Variants in NOX4 observed in about 807,000 individuals in gnomAD.
The protein encoded by NOX4 is kidney oxidase-1.
A neutral mutation model predicts 87.6 loss-of-function variants in NOX4; 69 were observed. The ratio of observed to expected loss-of-function variants is 0.79; its 90% CI spans 0.65 to 0.96. The LOEUF is 0.96. Among genes scored for constraint, NOX4 ranks in the 40% least tolerant of loss-of-function variants. The pLI, the probability that NOX4 is intolerant of heterozygous loss-of-function variation, is 0.00. For synonymous variants in NOX4, 275 were observed against 238.2 expected, an observed-to-expected ratio of 1.15 and a Z score of -1.42; for missense variants, 680 against 681.5, an observed-to-expected ratio of 1.00 and a Z score of 0.02.
At chr11:89,423,913 A>C (rs1943225585) in intron 7 of NOX4, among the ~76,000 whole-genome samples, 1 of 152,016 alleles carries the variant, frequency 6.6e-6, no homozygotes, top group African/African-American at 2.4e-5. Flanking sequence ...ACAATTAAAA[A>C]AAATAAAATT....
chr11:89,432,869 A>C lies in NOX4; in HGVS notation c.476-13T>G. ...GTCAGGCCAGGAACTATAAAAATGT[A>C]TACAAGTAGGTTTTTACTTAAATCA... is the stretch of plus-strand genomic sequence containing the variant. On this transcript the variant is annotated splice_polypyrimidine_tract_variant and intron_variant, in intron 6 of 17. Coordinates refer to ENST00000263317, the MANE Select transcript of NOX4 (RefSeq NM_016931.5). 1 of 1,586,484 alleles carries C rather than the reference A, an allele frequency of 6.3e-7. No homozygotes were observed.
At chr11:89,375,992 C>A (rs930122305) in intron 11 of NOX4, among the ~76,000 whole-genome samples, 2 of 152,190 alleles carry the variant, frequency 1.3e-5, no homozygotes, top group African/African-American at 4.8e-5. Context: ...ATATTCATAT[C>A]TCTATTCAAT....
chr11:89,335,720 G>A (rs189197776), intron 17 of NOX4, 125 bp downstream of exon 17: 2 of 516,020 alleles, frequency 3.9e-6, no homozygotes, highest in Admixed American at 4.0e-5. Context: ...TAGTGAAAGA[G>A]TGTTTCAGTG....
At chr11:89,571,041 T>C in the NOX4 span, among the ~76,000 whole-genome samples, 1 of 152,218 alleles carries the variant, frequency 6.6e-6, no homozygotes, top group Non-Finnish European at 1.5e-5. Context: ...ATGAAATTAA[T>C]CCATATTTTT....
chr11:89,498,203 G>C (rs1049624414), upstream of NOX4: 1 of 152,160 alleles, frequency 6.6e-6, no homozygotes, highest in Non-Finnish European at 1.5e-5. Context: ...AGGAAAAGAA[G>C]TTTATGTTGT....
intron 11 of NOX4, among the ~76,000 whole-genome samples, chr11:89,388,857 A>G (rs1340424845): frequency 1.3e-5 from 2 of 152,196 alleles, no homozygotes; most frequent in Admixed American, 6.6e-5. Flanking sequence ...AAATCCACTT[A>G]TGGAGAGTTT....
chr11:89,581,084 C>T, the NOX4 span, among the ~76,000 whole-genome samples: 51,036 of 151,890 alleles, frequency 0.34, 8,887 homozygotes, highest in Middle Eastern at 0.4. Context: ...GACAGGTAAG[C>T]CAGTAATTTG....
intron 11 of NOX4, among the ~76,000 whole-genome samples, chr11:89,388,428 T>C (rs568548036): frequency 1.6e-3 from 244 of 152,164 alleles, no homozygotes; most frequent in African/African-American, 5.5e-3. Flanking sequence ...CAGTTGGGGG[T>C]TACAAAGATT....
intron 7 of NOX4, among the ~76,000 whole-genome samples, chr11:89,426,667 G>C (rs918446658): frequency 6.6e-6 from 1 of 152,114 alleles, no homozygotes; most frequent in Non-Finnish European, 1.5e-5. Flanking sequence ...CAGCAGCAAG[G>C]CTTGGGGAGG....
intron 7 of NOX4, among the ~76,000 whole-genome samples, chr11:89,425,268 T>C (rs1469312995): frequency 6.6e-6 from 1 of 152,012 alleles, no homozygotes; most frequent in Non-Finnish European, 1.5e-5. Context: ...GTACACCAAT[T>C]TTTCATTCTT....
chr11:89,470,509 C>T (rs1292377849), intron 2 of NOX4, among the ~76,000 whole-genome samples: 1 of 152,056 alleles, frequency 6.6e-6, no homozygotes, highest in Non-Finnish European at 1.5e-5. Context: ...AAAGTGATTA[C>T]CCAGGAAATC....
At chr11:89,561,050 C>CATATATATATATATAT in the NOX4 span, among the ~76,000 whole-genome samples, 457 of 28,482 alleles carry the variant, frequency 0.016, 19 homozygotes, top group Non-Finnish European at 0.021. Flanking sequence ...ATATATCATA[C>CATATATATATATATAT]ATATATATAT....
chr11:89,438,979 T>TA (rs1444268070), intron 6 of NOX4, among the ~76,000 whole-genome samples: 10 of 99,318 alleles, frequency 1.0e-4, no homozygotes, highest in South Asian at 3.0e-4. Context: ...TATATAATTA[T>TA]ATATTATATT....
the NOX4 span, among the ~76,000 whole-genome samples, chr11:89,571,872 C>CA: frequency 2.0e-5 from 3 of 152,128 alleles, no homozygotes; most frequent in Non-Finnish European, 4.4e-5. Context: ...AGACGGAACT[C>CA]AAAGTCATCC....
chr11:89,491,949 C>T (rs1374609890), upstream of NOX4, among the ~76,000 whole-genome samples: 2 of 152,094 alleles, frequency 1.3e-5, no homozygotes, highest in Non-Finnish European at 2.9e-5. Flanking sequence ...CCTAAGGCTT[C>T]CCACCAGCCG....
At chr11:89,568,196 C>T in the NOX4 span, among the ~76,000 whole-genome samples, 1 of 152,070 alleles carries the variant, frequency 6.6e-6, no homozygotes, top group Admixed American at 6.6e-5. Flanking sequence ...ACCCAACTTA[C>T]AGCAAATCAA....
intron 17 of NOX4, among the ~76,000 whole-genome samples, chr11:89,331,737 AAAT>A (rs900891229): frequency 3.3e-5 from 5 of 151,586 alleles, no homozygotes; most frequent in African/African-American, 9.7e-5. Context: ...ATTATAAAAT[AAAT>A]AATAATAAAA....
the NOX4 span, among the ~76,000 whole-genome samples, chr11:89,572,589 G>A: frequency 2.5e-4 from 38 of 152,062 alleles, 1 homozygote; most frequent in Admixed American, 1.0e-3. Flanking sequence ...TCACTCTGTC[G>A]CCCAGGCTGG....
At chr11:89,411,166 G>T (rs1942459103) in intron 8 of NOX4, among the ~76,000 whole-genome samples, 3 of 152,046 alleles carry the variant, frequency 2.0e-5, no homozygotes, top group Admixed American at 2.0e-4. Context: ...CCCAGTCCTG[G>T]CAAGATTAAT....
Sources: gnomAD v4.1 joint callset for allele counts (sites outside exome capture counted in the v4.1 genomes callset) on GRCh38, gnomAD v4.1.1 for gene constraint, MANE v1.5 for transcripts, NCBI Gene and HGNC (gene_info 2026-07-23, HGNC 2026-07-21) for gene names.